The following NBN variants were observed in gnomAD, a reference collection of about 807,000 sequenced individuals.
NBN encodes nibrin.
A neutral mutation model predicts 90.8 loss-of-function variants in NBN; 88 were observed. That is an observed-to-expected ratio of 0.97 (90% CI 0.82 to 1.16). The LOEUF (loss-of-function observed/expected upper bound fraction) is 1.16, where lower values mean the gene tolerates loss of function less well. NBN is among the 50% of genes most tolerant of loss of function. The pLI, the probability that NBN is intolerant of heterozygous loss-of-function variation, is 0.00. For synonymous variants in NBN, 328 were observed against 295.1 expected (o/e 1.11, Z -1.14); for missense variants, 894 against 869.6 (o/e 1.03, Z -0.35).
chr8:89,943,499 T>A, intron 13 of NBN, 133 bp from the exon 14 acceptor site: 1 of 930,564 alleles, frequency 1.1e-6, no homozygotes, highest in Non-Finnish European at 1.7e-6. Context: ...CAAATAAAAG[T>A]GAGAGCAGTA....
intron 5 of NBN, among the ~76,000 whole-genome samples, chr8:89,972,471 CT>C (rs1811562541): frequency 6.6e-6 from 1 of 152,158 alleles, no homozygotes; most frequent in Admixed American, 6.5e-5. Flanking sequence ...AAACAACCGA[CT>C]TTAAAATTCT....
At chr8:89,938,620 G>A (rs1038060018) in intron 14 of NBN, among the ~76,000 whole-genome samples, 1 of 152,032 alleles carries the variant, frequency 6.6e-6, no homozygotes, top group African/African-American at 2.4e-5. Flanking sequence ...GGAATAGCTG[G>A]GATTTGACCA....
At position 89,978,322 on chromosome 8, in the gene NBN, G is replaced by C. The variant is rs766055272; in HGVS notation, c.482C>G (p.Thr161Arg). 1 of 1,582,858 alleles carries C rather than the reference G, an allele frequency of 6.3e-7. No homozygotes were observed. Among genetic ancestry groups the C allele is most frequent in the South Asian group, 1.1e-5 (1 of 90,310 alleles). The change falls in exon 5 of 16, where the codon ACA becomes AGA. Residue 161 changes from threonine to arginine, a missense_variant and splice_region_variant. Physicochemically the swap from Thr to Arg is moderately conservative, Grantham distance 71 (BLOSUM62 -1). Transcript: ENST00000265433. ...VMVSVKVTIK[T>R]ICALICGRPI... is the part of the protein sequence containing the mutation. Reference sequence around the variant, plus strand: ...ACGTCCACAAATGAGTGCACATATTGTCTACAATGAAGAAAACATGTGAAT... The same window carrying C: ...ACGTCCACAAATGAGTGCACATATTCTCTACAATGAAGAAAACATGTGAAT...
intron 4 of NBN, 93 bp downstream of exon 4, chr8:89,980,641 G>C: frequency 9.5e-7 from 1 of 1,056,074 alleles, no homozygotes. Context: ...AGTTCTGATA[G>C]TTTTAAAGTA....
intron 14 of NBN, among the ~76,000 whole-genome samples, chr8:89,941,547 A>AC (rs1300581820): frequency 6.6e-6 from 1 of 152,212 alleles, no homozygotes. Context: ...GAGGGAAGAA[A>AC]CATTTATAGA....
intron 4 of NBN, among the ~76,000 whole-genome samples, chr8:89,979,127 G>A (rs531145896): frequency 8.5e-5 from 13 of 152,192 alleles, no homozygotes; most frequent in African/African-American, 2.9e-4. Flanking sequence ...ACAGGCACAT[G>A]CCACCATACC....
rs75326925 is a variant in NBN at position 89,940,045 on chromosome 8, A to G, written c.2185-2970T>C. On this transcript the variant is annotated intron_variant, in intron 14 of 15. Coordinates refer to ENST00000265433, the MANE Select transcript of NBN (RefSeq NM_002485.5). ...TGTTTCAGCATAATGCCATACTGAC[A>G]GTGAGGCATGAGGGAATTCTGTTCT... Among the ~76,000 whole-genome samples the G allele has an allele frequency of 7.5e-3, 1,148 of 152,246 alleles. 18 individuals are homozygous for G. Among genetic ancestry groups the G allele is most frequent in the African/African-American group, 0.026 (1,080 of 41,564 alleles).
Position 89,971,273 on chromosome 8 carries a change from T to C in NBN, c.602A>G (p.Asp201Gly), listed in dbSNP as rs587780098. The change falls in exon 6 of 16, where the codon GAT becomes GGT. Residue 201 changes from aspartate to glycine, a missense_variant. Asp to Gly is a moderately conservative substitution (Grantham distance 94). Transcript: ENST00000265433. Reference protein sequence around the residue: ...PQIESFYPPLDEPSIGSKNVD... With the variant: ...PQIESFYPPLGEPSIGSKNVD... ...ATTTTTACTTCCAATAGATGGTTCA[T>C]CAAGAGGTGGGTAAAAACTGTAAAA... The C allele has an allele frequency of 5.0e-6, 8 of 1,612,562 alleles. No homozygotes were observed. The highest frequency in any genetic ancestry group is 2.2e-5 in the South Asian group (2 of 91,002).
Position 89,946,122 on chromosome 8 carries a change from T to C in NBN, c.2070+18A>G, listed in dbSNP as rs756636190. 6 of 1,529,600 alleles carry C rather than the reference T, an allele frequency of 3.9e-6. No homozygotes were observed. The highest frequency in any genetic ancestry group is 5.4e-6 in the Non-Finnish European group (6 of 1,106,422). 94.8% of individuals were successfully genotyped at this position (1,529,600 alleles called of 1,614,324 possible). ...CATTTCAAACACTGACCTCTTGTGA[T>C]ACAGTTGAAATACCTACCTTTTTGA... On this transcript the variant is annotated intron_variant, in intron 13 of 15. Coordinates refer to ENST00000265433, the MANE Select transcript of NBN (RefSeq NM_002485.5).
chr8:89,959,980 C>T (rs954146551), intron 8 of NBN, among the ~76,000 whole-genome samples: 3 of 152,186 alleles, frequency 2.0e-5, no homozygotes, highest in Non-Finnish European at 2.9e-5. Flanking sequence ...TTACTTGCTA[C>T]TTTCCCTTGT....
rs780235686 is a variant in NBN, at chr8:89,946,251, C to CT, written c.1958dup (p.Leu654AlafsTer5). 1.9e-6 allele frequency: 3 copies of CT among 1,586,898 alleles called. No individual in the cohort carries two copies. The highest frequency in any genetic ancestry group is 3.3e-5 in the Admixed American group (2 of 59,908). ...GTGATCTAAATTCAGTCAATAACAG[C>CT]TTTTTTGGAAGCATCTCACTATCAT... On this transcript the variant is annotated frameshift_variant, in exon 13 of 16. Coordinates refer to ENST00000265433, the MANE Select transcript of NBN (RefSeq NM_002485.5). LOFTEE classifies it high-confidence loss of function.
At chr8:89,942,299 ACTGT>A (rs1809986127) in intron 14 of NBN, among the ~76,000 whole-genome samples, 1 of 152,090 alleles carries the variant, frequency 6.6e-6, no homozygotes, top group Non-Finnish European at 1.5e-5. Flanking sequence ...ATACATACTA[ACTGT>A]CTGGGTGATT....
At position 89,946,197 on chromosome 8, in the gene NBN, A is replaced by C. The variant is rs1586040407; in HGVS notation, c.2013T>G (p.Asn671Lys). 1 of 1,601,798 alleles carries C rather than the reference A, an allele frequency of 6.2e-7. No individual in the cohort carries two copies. The highest frequency in any genetic ancestry group is 8.6e-7 in the Non-Finnish European group (1 of 1,169,362). ...SLVIKNSTSR[N>K]PSGINDDYGQ... Reference sequence around the variant, plus strand: ...CATAATCATCATTTATGCCAGATGGATTTCTGGAAGTAGAGTTTTTAATCA... The same window carrying C: ...CATAATCATCATTTATGCCAGATGGCTTTCTGGAAGTAGAGTTTTTAATCA... Residue 671 changes from asparagine to lysine, a missense_variant, in exon 13 of 16, where the codon AAT becomes AAG. By Grantham distance (94) the Asn-to-Lys change is moderately conservative (BLOSUM62 0). Coordinates refer to ENST00000265433, the MANE Select transcript of NBN (RefSeq NM_002485.5).
Position 89,935,627 on chromosome 8 carries a change from A to G in NBN, c.2235-15T>C, listed in dbSNP as rs1029319548. The G allele has an allele frequency of 1.2e-6, 2 of 1,603,238 alleles. No individual in the cohort carries two copies. The highest frequency in any genetic ancestry group is 1.7e-6 in the Non-Finnish European group (2 of 1,171,178). ...AAGGATTGTATCTGCAAAGAAAGAA[A>G]TGGGGTTAAATGATATTTAGATAAG... On this transcript the variant is annotated splice_polypyrimidine_tract_variant and intron_variant, in intron 15 of 15. Coordinates refer to ENST00000265433, the MANE Select transcript of NBN (RefSeq NM_002485.5).
chr8:89,934,393 G>A lies in NBN; in HGVS notation c.*1189C>T, dbSNP rs1809568853. 1 of 232,920 alleles carries A rather than the reference G, an allele frequency of 4.3e-6. No homozygotes were observed. The highest frequency in any genetic ancestry group is 8.5e-6 in the Non-Finnish European group (1 of 117,926). 14.4% of individuals were successfully genotyped at this position (232,920 alleles called of 1,614,324 possible). ...CCAATTTCTGTTCCCTAGGAAGGCT[G>A]AGAAGCTTTTAAAAAAAGACCTTCA... is the stretch of plus-strand genomic sequence containing the variant. On this transcript the variant is annotated 3_prime_UTR_variant, in exon 16 of 16. Coordinates refer to ENST00000265433, the MANE Select transcript of NBN (RefSeq NM_002485.5).
intron 14 of NBN, among the ~76,000 whole-genome samples, chr8:89,937,803 G>A (rs911835229): frequency 2.6e-5 from 4 of 151,976 alleles, no homozygotes; most frequent in South Asian, 2.1e-4. Context: ...TCTGTATGCC[G>A]GTTAAAACTG....
chr8:89,943,624 GTTT>G (rs761314821), intron 13 of NBN, among the ~76,000 whole-genome samples: 3 of 152,028 alleles, frequency 2.0e-5, no homozygotes, highest in Non-Finnish European at 4.4e-5. Flanking sequence ...TTCATTTGGA[GTTT>G]TTATTTTAAA....
chr8:89,943,418 C>T, intron 13 of NBN, 52 bp from the exon 14 acceptor site: 1 of 1,551,248 alleles, frequency 6.4e-7, no homozygotes. Flanking sequence ...ACAAAAATGA[C>T]CATTTTTTTA....
chr8:89,949,463 T>TA (rs1563518909), intron 11 of NBN, among the ~76,000 whole-genome samples: 1 of 152,172 alleles, frequency 6.6e-6, no homozygotes, highest in Admixed American at 6.5e-5. Context: ...GGAAATATAC[T>TA]ATAGACACAG....
Sources: allele counts gnomAD v4.1 joint callset (sites outside exome capture counted in the v4.1 genomes callset), GRCh38; gene constraint gnomAD v4.1.1; transcripts MANE v1.5; gene names NCBI Gene and HGNC (gene_info 2026-07-23, HGNC 2026-07-21).